The following ACBD6 variants were observed in gnomAD, a reference collection of about 807,000 sequenced individuals.
ACBD6 encodes the protein acyl-CoA binding domain containing 6.
Under a neutral mutation model 37.2 loss-of-function variants are expected in ACBD6, and 28 were observed. The ratio of observed to expected loss-of-function variants is 0.75; its 90% CI spans 0.56 to 1.03. ACBD6 has a LOEUF of 1.03. Ranked by LOEUF, ACBD6 falls within the 50% of genes least tolerant of loss-of-function variation. The pLI is 0.00. For missense variants in ACBD6, 340 were observed against 337.4 expected (o/e 1.01, Z -0.06); for synonymous variants, 113 against 126.8 (o/e 0.89, Z 0.73).
intron 6 of ACBD6, among the ~76,000 whole-genome samples, chr1:180,372,653 T>C (rs959339336): frequency 2.0e-5 from 3 of 152,166 alleles, no homozygotes; most frequent in Non-Finnish European, 4.4e-5. Flanking sequence ...TCCTCTGTCA[T>C]GTAAAAAATG....
intron 4 of ACBD6, among the ~76,000 whole-genome samples, chr1:180,417,104 A>G (rs1247181585): frequency 6.6e-6 from 1 of 152,210 alleles, no homozygotes; most frequent in Non-Finnish European, 1.5e-5. Flanking sequence ...TAATTCCTCA[A>G]ACTAAGGAAT....
chr1:180,397,377 T>A, intron 6 of ACBD6, 139 bp downstream of exon 6: 1 of 792,654 alleles, frequency 1.3e-6, no homozygotes, highest in Admixed American at 1.9e-5. Flanking sequence ...AACTATATAG[T>A]AGCAATGATT....
chr1:180,435,801 T>G (rs1360836709), intron 3 of ACBD6: 11 of 941,070 alleles, frequency 1.2e-5, no homozygotes, highest in Non-Finnish European at 1.9e-5. Context: ...TCGGCTAAAG[T>G]GAATAACTCC....
chr1:180,278,960 A>AAAAT (rs1649210964), intron 9 of ACBD6: 1 of 152,194 alleles, frequency 6.6e-6, no homozygotes, highest in Admixed American at 6.5e-5. Flanking sequence ...AAAATTATGT[A>AAAAT]AAATAAATAT....
intron 7 of ACBD6, among the ~76,000 whole-genome samples, chr1:180,293,294 ATTTTTTTTTT>A (rs58030337): frequency 9.1e-6 from 1 of 109,768 alleles, no homozygotes; most frequent in African/African-American, 3.4e-5. Flanking sequence ...TGTGTGTAGA[ATTTTTTTTTT>A]TTTTTTTTTT....
chr1:180,432,555 C>T (rs1251709471), intron 3 of ACBD6, among the ~76,000 whole-genome samples: 1 of 151,864 alleles, frequency 6.6e-6, no homozygotes, highest in Non-Finnish European at 1.5e-5. Flanking sequence ...AATGAGAAAC[C>T]ACTACACACC....
chr1:180,370,236 T>C (rs1320649638), intron 6 of ACBD6, among the ~76,000 whole-genome samples: 2 of 151,306 alleles, frequency 1.3e-5, no homozygotes, highest in Non-Finnish European at 2.9e-5. Context: ...TAAAGGGAGG[T>C]TGTAGTTAGA....
At chr1:180,312,675 G>A (rs1486342723) in intron 7 of ACBD6, among the ~76,000 whole-genome samples, 1 of 152,106 alleles carries the variant, frequency 6.6e-6, no homozygotes, top group South Asian at 2.1e-4. Flanking sequence ...TGTTTGCTCT[G>A]GGTTTTTGAT....
In ACBD6 at chr1:180,315,965, TCTAAGA is replaced by T. The variant is rs1178117678; in HGVS notation, c.664-1249_664-1244del. Among the ~76,000 whole-genome samples the T allele has an allele frequency of 2.6e-5, 4 of 152,048 alleles. No individual in the cohort carries two copies. In the East Asian group the frequency reaches 7.8e-4, roughly 29 times the overall value. The stretch of plus-strand genomic sequence containing the variant: ...AGGAAGCATCATAAAGATAATAAAC[TCTAAGA>T]AAAGTAAAAGATGGAAAGCAGCATG... On this transcript the variant is annotated intron_variant, in intron 6 of 7. Coordinates refer to ENST00000367595, the MANE Select transcript of ACBD6 (RefSeq NM_032360.4).
intron 6 of ACBD6, among the ~76,000 whole-genome samples, chr1:180,372,273 C>A (rs1321001026): frequency 1.3e-5 from 2 of 152,132 alleles, no homozygotes; most frequent in Admixed American, 1.3e-4. Context: ...AAAGTAGACA[C>A]CTATTACACA....
intron 7 of ACBD6, among the ~76,000 whole-genome samples, chr1:180,312,957 T>C (rs1650650090): frequency 6.6e-6 from 1 of 152,198 alleles, no homozygotes; most frequent in Admixed American, 6.5e-5. Flanking sequence ...GCAGGCTTAA[T>C]TAACTACTTT....
At chr1:180,393,971 G>C (rs1397894428) in intron 6 of ACBD6, among the ~76,000 whole-genome samples, 3 of 152,190 alleles carry the variant, frequency 2.0e-5, no homozygotes, top group Non-Finnish European at 4.4e-5. Context: ...TGGATTGTTT[G>C]TCTCACACTA....
At chr1:180,335,017 G>A (rs1651645081) in intron 6 of ACBD6, among the ~76,000 whole-genome samples, 1 of 152,172 alleles carries the variant, frequency 6.6e-6, no homozygotes. Context: ...TACGTGAAAA[G>A]ACCAAATCTA....
chr1:180,347,232 T>C (rs1010316338), intron 6 of ACBD6, among the ~76,000 whole-genome samples: 1 of 152,164 alleles, frequency 6.6e-6, no homozygotes, highest in Non-Finnish European at 1.5e-5. Flanking sequence ...AATCATGTCA[T>C]GTTAGGAACG....
chr1:180,378,295 CA>C (rs1653514314), intron 6 of ACBD6, among the ~76,000 whole-genome samples: 1 of 152,062 alleles, frequency 6.6e-6, no homozygotes, highest in African/African-American at 2.4e-5. Flanking sequence ...TAGTTATCTT[CA>C]AAAGCATAAG....
At chr1:180,450,480 C>T (rs1571527511) in intron 3 of ACBD6, among the ~76,000 whole-genome samples, 2 of 152,140 alleles carry the variant, frequency 1.3e-5, no homozygotes, top group South Asian at 2.1e-4. Context: ...AAGACTCGGC[C>T]GGGTGCAGTG....
chr1:180,337,490 G>A (rs1284710497), intron 6 of ACBD6, among the ~76,000 whole-genome samples: 1 of 152,188 alleles, frequency 6.6e-6, no homozygotes, highest in African/African-American at 2.4e-5. Context: ...ATTAGGTATT[G>A]ATGGGATGTA....
intron 3 of ACBD6, among the ~76,000 whole-genome samples, chr1:180,482,689 T>C (rs999566207): frequency 2.6e-5 from 4 of 152,148 alleles, no homozygotes; most frequent in Non-Finnish European, 5.9e-5. Context: ...AAAAGAGAAG[T>C]GGAATTGCAG....
At chr1:180,442,090 T>C (rs894850680) in intron 3 of ACBD6, among the ~76,000 whole-genome samples, 4 of 152,360 alleles carry the variant, frequency 2.6e-5, no homozygotes, top group South Asian at 2.1e-4. Flanking sequence ...TGTCAACCTA[T>C]TGACTTCAGA....
Sources: allele counts gnomAD v4.1 joint callset (sites outside exome capture counted in the v4.1 genomes callset), GRCh38; gene constraint gnomAD v4.1.1; transcripts MANE v1.5; gene names NCBI Gene and HGNC (gene_info 2026-07-23, HGNC 2026-07-21).